Variants in NMRK2 observed in about 807,000 individuals in gnomAD.
NMRK2 encodes nicotinamide riboside kinase 2.
NMRK2 carries 34 observed loss-of-function variants against 24.7 expected under a neutral mutation model. The ratio of observed to expected loss-of-function variants is 1.37; its 90% CI spans 1.05 to 1.83. NMRK2 has a LOEUF of 1.83. Among genes scored for constraint, NMRK2 ranks in the 40% most tolerant of loss-of-function variants. The probability of loss-of-function intolerance (pLI) is 0.00; values close to 1 mark genes in which losing one functional copy is unlikely to be tolerated. For synonymous variants in NMRK2, 145 were observed against 125.6 expected, an observed-to-expected ratio of 1.15 and a Z score of -1.03; for missense variants, 341 against 315.0, an observed-to-expected ratio of 1.08 and a Z score of -0.62.
intron 6 of NMRK2, 36 bp downstream of exon 6, chr19:3,940,007 A>G: frequency 6.3e-7 from 1 of 1,576,422 alleles, no homozygotes; most frequent in South Asian, 1.1e-5. Flanking sequence ...TGGGCTCCTG[A>G]GGGCCCTGTC....
Position 3,942,122 on chromosome 19 carries a change from G to C in NMRK2, c.542G>C (p.Arg181Pro). ...DGMKSREELF[R>P]EVLEDIQNSL... ...ATGAAGTCCCGAGAGGAGCTCTTCC[G>C]TGAAGTCCTGGAAGACATTCAGAAC... is the stretch of plus-strand genomic sequence containing the variant. Residue 181 changes from arginine (R) to proline (P), a missense_variant, in exon 8 of 8, where the codon CGT becomes CCT. Coordinates refer to ENST00000168977, the MANE Select transcript of NMRK2 (RefSeq NM_170678.3). The C allele has an allele frequency of 6.2e-7, 1 of 1,613,274 alleles. No homozygotes were observed. Among genetic ancestry groups the C allele is most frequent in the Non-Finnish European group, 8.5e-7 (1 of 1,179,994 alleles).
At chr19:3,941,601 C>G (rs114807216) in intron 7 of NMRK2, among the ~76,000 whole-genome samples, 1 of 151,904 alleles carries the variant, frequency 6.6e-6, no homozygotes, top group Admixed American at 6.6e-5. Flanking sequence ...CTTTGGAAAC[C>G]TGGACATTCC....
rs377412509 is a variant in NMRK2, at chr19:3,942,294, C to G, written c.*21C>G. 6.3e-7 allele frequency: 1 copy of G among 1,580,534 alleles called. No individual in the cohort carries two copies. Among genetic ancestry groups the G allele is most frequent in the African/African-American group, 1.3e-5 (1 of 74,606 alleles). ...TGTGAGCGTTTCCCTATGGGGGTGT[C>G]TGTACGTAGGAGAGTGGAGGCCCCA... On this transcript the variant is annotated 3_prime_UTR_variant, in exon 8 of 8. Transcript: ENST00000168977.
In NMRK2 at chr19:3,933,626, A is replaced by T. The variant is rs1357544397; in HGVS notation, c.-46A>T. 1 of 1,515,276 alleles carries T rather than the reference A, an allele frequency of 6.6e-7. No homozygotes were observed. Among genetic ancestry groups the T allele is most frequent in the African/African-American group, 1.4e-5 (1 of 70,188 alleles). 93.9% of individuals were successfully genotyped at this position (1,515,276 alleles called of 1,614,324 possible). ...GGAGCGCACTGCGTGGTCGCACCCTACCCGGGCTGCCTTGGAAGTCGTCCC... is the reference window on the plus strand; with the variant it reads ...GGAGCGCACTGCGTGGTCGCACCCTTCCCGGGCTGCCTTGGAAGTCGTCCC... On this transcript the variant is annotated 5_prime_UTR_variant, in exon 2 of 8. Transcript: ENST00000168977.
intron 6 of NMRK2, 71 bp from the exon 7 acceptor site, chr19:3,941,000 C>G: frequency 1.0e-6 from 1 of 998,548 alleles, no homozygotes; most frequent in African/African-American, 1.6e-5. Context: ...GCTTTCAGGC[C>G]CCCCACCGGG....
chr19:3,936,685 G>A lies in NMRK2; in HGVS notation c.117+20G>A. On this transcript the variant is annotated intron_variant, in intron 3 of 7. Transcript: ENST00000168977. ...TTCAAGGTGCCCGCCCTTGCCCGGGGAGGTGGAGCTGAGAGGGGATGCAGG... is the reference window on the plus strand; with the variant it reads ...TTCAAGGTGCCCGCCCTTGCCCGGGAAGGTGGAGCTGAGAGGGGATGCAGG... 1.9e-6 allele frequency: 3 copies of A among 1,542,904 alleles called. No homozygotes were observed. Among genetic ancestry groups the A allele is most frequent in the Non-Finnish European group, 2.6e-6 (3 of 1,142,990 alleles).
At position 3,938,671 on chromosome 19, in the gene NMRK2, T is replaced by TACTCGGGAGGCTGAGGCAAGGAGAA; in HGVS notation, c.235_236insACTCGGGAGGCTGAGGCAAGGAGAA (p.Phe79TyrfsTer5). ...GGCCTGGCTGAGCAGCCCGCAGAAG[T>TACTCGGGAGGCTGAGGCAAGGAGAA]TTGCCCGTGCCCACGGGGTCAGCGT... On this transcript the variant is annotated stop_gained and frameshift_variant, in exon 5 of 8. Coordinates refer to ENST00000168977, the MANE Select transcript of NMRK2 (RefSeq NM_170678.3). LOFTEE classifies it high-confidence loss of function. 6.2e-7 allele frequency: 1 copy of TACTCGGGAGGCTGAGGCAAGGAGAA among 1,612,706 alleles called. No homozygotes were observed. The highest frequency in any genetic ancestry group is 8.5e-7 in the Non-Finnish European group (1 of 1,179,458).
chr19:3,941,572 A>C (rs2039333963), intron 7 of NMRK2, among the ~76,000 whole-genome samples: 1 of 151,874 alleles, frequency 6.6e-6, no homozygotes, highest in Admixed American at 6.6e-5. Flanking sequence ...AACGCCCTTC[A>C]GTACTCCCCA....
chr19:3,942,028 C>A (rs1036603282), intron 7 of NMRK2, 55 bp from the exon 8 acceptor site: 14 of 1,478,092 alleles, frequency 9.5e-6, no homozygotes, highest in African/African-American at 1.4e-5. Context: ...ACTCGTCCCC[C>A]CGTGCTCTGG....
At position 3,941,092 on chromosome 19, in the gene NMRK2, T is replaced by C; in HGVS notation, c.417T>C (p.Pro139=). 1 of 1,613,382 alleles carries C rather than the reference T, an allele frequency of 6.2e-7. No individual in the cohort carries two copies. The highest frequency in any genetic ancestry group is 8.5e-7 in the Non-Finnish European group (1 of 1,179,450). The change falls in exon 7 of 8, where the codon CCT becomes CCC. Residue 139 remains proline (P), a synonymous_variant. Transcript: ENST00000168977. ...GCAGTACCCGCAACTACACAGTCCC[T>C]GATCCCCCCGGCCTCTTCGATGGCC... The part of the protein sequence containing the change: ...WRRSTRNYTV[P]DPPGLFDGHV...
chr19:3,937,922 C>T (rs540500721), intron 4 of NMRK2, among the ~76,000 whole-genome samples: 73 of 113,724 alleles, frequency 6.4e-4, no homozygotes, highest in African/African-American at 2.5e-3. Context: ...ACTGTTCCCC[C>T]GGGGTCCACC....
intron 2 of NMRK2, among the ~76,000 whole-genome samples, chr19:3,935,877 G>C (rs921554282): frequency 3.3e-5 from 5 of 151,606 alleles, no homozygotes; most frequent in African/African-American, 1.2e-4. Context: ...GGCCGGTGCT[G>C]TTTTATTTTT....
rs181454061 is a variant in NMRK2, at chr19:3,942,160, C to T, written c.580C>T (p.Arg194Cys). The T allele has an allele frequency of 8.6e-5, 138 of 1,613,298 alleles. No homozygotes were observed. Among genetic ancestry groups the T allele is most frequent in the Middle Eastern group, 1.6e-4 (1 of 6,062 alleles). The part of the protein sequence containing the change: ...LEDIQNSLLN[R>C]SQESAPSPAR... ...AGACATTCAGAACTCGCTGCTGAACCGCTCCCAGGAATCAGCCCCCTCCCC... is the reference window on the plus strand; with the variant it reads ...AGACATTCAGAACTCGCTGCTGAACTGCTCCCAGGAATCAGCCCCCTCCCC... Residue 194 changes from arginine (R) to cysteine (C), a missense_variant, in exon 8 of 8, where the codon CGC (arginine) becomes TGC (cysteine). Physicochemically the swap from Arg to Cys is radical, Grantham distance 180. Transcript: ENST00000168977.
chr19:3,933,402 A>C, intron 1 of NMRK2, 56 bp from the exon 2 acceptor site: 1 of 480,264 alleles, frequency 2.1e-6, no homozygotes, highest in African/African-American at 2.1e-5. Flanking sequence ...AGGTGGGAGG[A>C]GGGAAGAGGC....
chr19:3,939,948 T>C lies in NMRK2; in HGVS notation c.372T>C (p.Tyr124=), dbSNP rs111903284. Residue 124 remains tyrosine, a synonymous_variant, in exon 6 of 8, where the codon TAT becomes TAC. Transcript: ENST00000168977. ...GCCGGTACTTCCTGACCGTCCCGTA[T>C]GAAGAGTGCAAGTGGAGGAGAAGGT... ...YSRRYFLTVP[Y]EECKWRRSTR... The C allele has an allele frequency of 2.5e-5, 41 of 1,612,178 alleles. 1 individual carries two copies. Among genetic ancestry groups the C allele is most frequent in the African/African-American group, 2.5e-4 (19 of 74,912 alleles).
intron 4 of NMRK2, among the ~76,000 whole-genome samples, 182 bp from the exon 5 acceptor site, chr19:3,938,421 T>C (rs1335969784): frequency 5.2e-4 from 48 of 92,380 alleles, no homozygotes; most frequent in Admixed American, 3.4e-4. Flanking sequence ...CGTCCACTGT[T>C]CCCCCGGGGT....
intron 2 of NMRK2, among the ~76,000 whole-genome samples, chr19:3,934,847 T>C (rs2039186130): frequency 6.6e-6 from 1 of 151,940 alleles, no homozygotes; most frequent in African/African-American, 2.4e-5. Flanking sequence ...CCTCCCAAAG[T>C]GCTGGGATTA....
Position 3,942,320 on chromosome 19 carries a change from CTCCCAG to C in NMRK2, c.*49_*54del. The C allele has an allele frequency of 3.3e-6, 5 of 1,525,444 alleles. No homozygotes were observed. Among genetic ancestry groups the C allele is most frequent in the Non-Finnish European group, 3.5e-6 (4 of 1,129,238 alleles). 94.5% of individuals were successfully genotyped at this position (1,525,444 alleles called of 1,614,324 possible). On this transcript the variant is annotated 3_prime_UTR_variant, in exon 8 of 8. Transcript: ENST00000168977. The stretch of plus-strand genomic sequence containing the variant: ...TGTACGTAGGAGAGTGGAGGCCCCA[CTCCCAG>C]TTGGGCGTCCCGGAGCTCAGGGACT...
At chr19:3,940,062 G>GTGCCCAGCCCCCAGT in intron 6 of NMRK2, 91 bp downstream of exon 6, 2 of 1,138,164 alleles carry the variant, frequency 1.8e-6, no homozygotes, top group Non-Finnish European at 2.6e-6. Flanking sequence ...AAATGCCACT[G>GTGCCCAGCCCCCAGT]GGGGCTGGGC....
Sources: gnomAD v4.1 joint callset for allele counts (sites outside exome capture counted in the v4.1 genomes callset) on GRCh38, gnomAD v4.1.1 for gene constraint, MANE v1.5 for transcripts, NCBI Gene and HGNC (gene_info 2026-07-23, HGNC 2026-07-21) for gene names.